BCKDHB: variants seen among roughly 807,000 people sequenced by gnomAD.
BCKDHB encodes the protein branched chain keto acid dehydrogenase E1 subunit beta.
Under a neutral mutation model 48.5 loss-of-function variants are expected in BCKDHB, and 41 were observed. The observed-to-expected ratio is 0.85, with a 90% CI of 0.66 to 1.10. The LOEUF (loss-of-function observed/expected upper bound fraction) is 1.10. Among genes scored for constraint, BCKDHB ranks in the 50% least tolerant of loss-of-function variants. The pLI, the probability that BCKDHB is intolerant of heterozygous loss-of-function variation, is 0.00. For missense variants in BCKDHB, 496 were observed against 494.2 expected (o/e 1.00, Z -0.03); for synonymous variants, 201 against 174.8 (o/e 1.15, Z -1.18).
intron 9 of BCKDHB, among the ~76,000 whole-genome samples, chr6:80,276,999 G>C (rs1360107756): frequency 6.6e-6 from 1 of 151,872 alleles, no homozygotes; most frequent in Non-Finnish European, 1.5e-5. Context: ...AAGATTTCTT[G>C]GTCAGTTATT....
the BCKDHB span, among the ~76,000 whole-genome samples, chr6:80,436,142 CTTTTCTTTTT>C: frequency 4.2e-5 from 2 of 47,106 alleles, no homozygotes; most frequent in Admixed American, 5.2e-4. Flanking sequence ...CTGAAAAATT[CTTTTCTTTTT>C]TTTTTTTTTT....
intron 1 of BCKDHB, among the ~76,000 whole-genome samples, chr6:80,118,414 T>C (rs1352368235): frequency 1.3e-5 from 2 of 152,192 alleles, no homozygotes; most frequent in Non-Finnish European, 2.9e-5. Flanking sequence ...TCTGAAACTT[T>C]GGCAAGTCAT....
chr6:80,313,114 T>TA (rs1260700786), intron 9 of BCKDHB, among the ~76,000 whole-genome samples: 2 of 152,188 alleles, frequency 1.3e-5, no homozygotes, highest in Non-Finnish European at 2.9e-5. Context: ...AACTCGTTAT[T>TA]AGTCTATTCA....
At chr6:80,221,736 A>G (rs1435119058) in intron 8 of BCKDHB, among the ~76,000 whole-genome samples, 1 of 152,218 alleles carries the variant, frequency 6.6e-6, no homozygotes, top group Non-Finnish European at 1.5e-5. Flanking sequence ...TATTAAGTAG[A>G]AAATTGAAAG....
At chr6:80,215,938 C>T in intron 8 of BCKDHB, among the ~76,000 whole-genome samples, 1 of 152,094 alleles carries the variant, frequency 6.6e-6, no homozygotes, top group Middle Eastern at 3.2e-3. Context: ...GACAGGGTTT[C>T]ACCATGTTGG....
chr6:80,321,114 T>G (rs806851), intron 9 of BCKDHB, among the ~76,000 whole-genome samples: 49,016 of 151,972 alleles, frequency 0.32, 8,085 homozygotes, highest in African/African-American at 0.35. Context: ...GACAATATAG[T>G]TCATCTAGGG....
At chr6:80,170,763 A>G (rs1772873900) in intron 5 of BCKDHB, among the ~76,000 whole-genome samples, 1 of 152,146 alleles carries the variant, frequency 6.6e-6, no homozygotes, top group Non-Finnish European at 1.5e-5. Flanking sequence ...TTTGCTATAT[A>G]ACTGGACACT....
intron 3 of BCKDHB, among the ~76,000 whole-genome samples, chr6:80,138,266 G>A (rs1455915269): frequency 6.7e-6 from 1 of 148,160 alleles, no homozygotes; most frequent in Non-Finnish European, 1.5e-5. Flanking sequence ...GCTAATTTAT[G>A]TAAAAACATA....
At chr6:80,138,934 TC>T (rs1444914847) in intron 3 of BCKDHB, among the ~76,000 whole-genome samples, 1 of 152,168 alleles carries the variant, frequency 6.6e-6, no homozygotes, top group African/African-American at 2.4e-5. Flanking sequence ...GTAAAAGTGT[TC>T]CTATTTCTCC....
At chr6:80,261,724 C>T (rs546190314) in intron 8 of BCKDHB, among the ~76,000 whole-genome samples, 3 of 152,226 alleles carry the variant, frequency 2.0e-5, no homozygotes, top group African/African-American at 7.2e-5. Context: ...ATTCTTATTT[C>T]TTAAAGGTTA....
At chr6:80,430,741 T>C in the BCKDHB span, among the ~76,000 whole-genome samples, 2 of 152,176 alleles carry the variant, frequency 1.3e-5, no homozygotes, top group Non-Finnish European at 2.9e-5. Flanking sequence ...TAGCAGTCTA[T>C]CTATTTTGTT....
At chr6:80,341,901 C>T (rs1355003312) in intron 9 of BCKDHB, among the ~76,000 whole-genome samples, 2 of 152,166 alleles carry the variant, frequency 1.3e-5, no homozygotes, top group Admixed American at 6.5e-5. Flanking sequence ...AAATAATCCA[C>T]CCAGTCTGTC....
At chr6:80,212,859 A>G (rs1562142007) in intron 8 of BCKDHB, among the ~76,000 whole-genome samples, 2 of 152,196 alleles carry the variant, frequency 1.3e-5, no homozygotes, top group Non-Finnish European at 1.5e-5. Context: ...ACTGAATCCT[A>G]TCAAGACTTC....
the BCKDHB span, among the ~76,000 whole-genome samples, chr6:80,451,589 T>C: frequency 3.3e-5 from 5 of 152,050 alleles, no homozygotes; most frequent in East Asian, 9.7e-4. Flanking sequence ...AATACAAAAA[T>C]TAGTCGGGCA....
At chr6:80,223,146 T>C (rs901599633) in intron 8 of BCKDHB, among the ~76,000 whole-genome samples, 2 of 152,204 alleles carry the variant, frequency 1.3e-5, no homozygotes, top group Admixed American at 6.5e-5. Context: ...AAGGTAAACA[T>C]CTACCTTGAT....
At chr6:80,260,692 T>G (rs1355499486) in intron 8 of BCKDHB, among the ~76,000 whole-genome samples, 1 of 152,214 alleles carries the variant, frequency 6.6e-6, no homozygotes, top group Non-Finnish European at 1.5e-5. Flanking sequence ...GGTGAAGATA[T>G]GGCTCAAATT....
chr6:80,423,249 T>C, the BCKDHB span, among the ~76,000 whole-genome samples: 2,473 of 152,284 alleles, frequency 0.016, 63 homozygotes, highest in African/African-American at 0.056. Context: ...CCTTACACCA[T>C]GATTGTAAGT....
intron 8 of BCKDHB, among the ~76,000 whole-genome samples, chr6:80,220,029 A>T (rs1326538616): frequency 6.6e-6 from 1 of 152,090 alleles, no homozygotes; most frequent in African/African-American, 2.4e-5. Context: ...TTTGCCTCTC[A>T]TGACTTTCCT....
intron 9 of BCKDHB, among the ~76,000 whole-genome samples, chr6:80,279,435 C>A (rs1040711290): frequency 6.6e-6 from 1 of 152,124 alleles, no homozygotes; most frequent in Non-Finnish European, 1.5e-5. Context: ...GGATTACAGG[C>A]GTGAGCCGCC....
Sources: gnomAD v4.1 joint callset for allele counts (sites outside exome capture counted in the v4.1 genomes callset) on GRCh38, gnomAD v4.1.1 for gene constraint, MANE v1.5 for transcripts, NCBI Gene and HGNC (gene_info 2026-07-23, HGNC 2026-07-21) for gene names.